Variants in CACNA1D observed in about 807,000 individuals in gnomAD.
CACNA1D encodes voltage-dependent L-type calcium channel subunit alpha-1D.
CACNA1D carries 55 observed loss-of-function variants against 257.1 expected under a neutral mutation model. The ratio of observed to expected loss-of-function variants is 0.21; its 90% CI spans 0.17 to 0.27. The LOEUF (loss-of-function observed/expected upper bound fraction) is 0.27. Ranked by LOEUF, CACNA1D falls within the 10% of genes least tolerant of loss-of-function variation. The pLI is 1.00. For missense variants in CACNA1D, 1,876 were observed against 2,784.0 expected (o/e 0.67, Z 7.34); for synonymous variants, 980 against 1,014.9 (o/e 0.97, Z 0.65).
intron 3 of CACNA1D, among the ~76,000 whole-genome samples, chr3:53,527,196 A>G (rs1233405476): frequency 6.6e-6 from 1 of 152,246 alleles, no homozygotes; most frequent in African/African-American, 2.4e-5. Context: ...CAAATGACTT[A>G]CCCAAGGGCA....
chr3:53,799,378 A>G (rs1254403913), intron 40 of CACNA1D, among the ~76,000 whole-genome samples: 1 of 152,176 alleles, frequency 6.6e-6, no homozygotes, highest in African/African-American at 2.4e-5. Flanking sequence ...GTCATGAACA[A>G]TGGAAGGGCT....
At chr3:53,741,964 G>A (rs577453343) in intron 21 of CACNA1D, among the ~76,000 whole-genome samples, 2 of 152,140 alleles carry the variant, frequency 1.3e-5, no homozygotes, top group African/African-American at 2.4e-5. Flanking sequence ...TTGCTTCACC[G>A]ACTTAAATCT....
intron 3 of CACNA1D, among the ~76,000 whole-genome samples, chr3:53,573,813 C>A: frequency 6.6e-6 from 1 of 151,154 alleles, no homozygotes; most frequent in Admixed American, 6.6e-5. Flanking sequence ...ACATAGTGGG[C>A]TCTCCTTATC....
intron 29 of CACNA1D, among the ~76,000 whole-genome samples, chr3:53,757,652 G>A (rs2095273756): frequency 6.6e-6 from 1 of 152,190 alleles, no homozygotes; most frequent in South Asian, 2.1e-4. Context: ...AGTCCTCCAT[G>A]AAGCACTGGC....
intron 3 of CACNA1D, among the ~76,000 whole-genome samples, chr3:53,517,852 C>T (rs1309596746): frequency 6.6e-6 from 1 of 152,222 alleles, no homozygotes; most frequent in Non-Finnish European, 1.5e-5. Context: ...ATTTACTGTG[C>T]TTGTGACATG....
In CACNA1D at chr3:53,808,654, C is replaced by T. The variant is rs571923567; in HGVS notation, c.5755C>T (p.Arg1919Trp). ...RLLPPTPASH[R>W]RSSFNFECLR... ...GATGCCCTTTGCTTTCCCAGCCCAC[C>T]GGAGATCCTCCTTCAACTTTGAGTG... The change falls in exon 46 of 48, where the codon CGG (arginine) becomes TGG (tryptophan). Residue 1919 changes from arginine (R) to tryptophan (W), a missense_variant. Around this residue, in one of 10 missense-constraint regions of CACNA1D, gnomAD observed 491 missense variants for 554.3 expected, o/e 0.89. Transcript: ENST00000350061. 31 of 1,608,080 alleles carry T rather than the reference C, an allele frequency of 1.9e-5. No individual in the cohort carries two copies. Among genetic ancestry groups the T allele is most frequent in the East Asian group, 1.1e-4 (5 of 44,870 alleles).
At chr3:53,617,972 C>T (rs1177378893) in intron 3 of CACNA1D, among the ~76,000 whole-genome samples, 1 of 152,186 alleles carries the variant, frequency 6.6e-6, no homozygotes, top group East Asian at 1.9e-4. Context: ...GTTTTAGGTG[C>T]TCCATCAGTC....
At chr3:53,631,475 T>G (rs563656362) in intron 3 of CACNA1D, among the ~76,000 whole-genome samples, 1 of 152,336 alleles carries the variant, frequency 6.6e-6, no homozygotes, top group African/African-American at 2.4e-5. Context: ...TACAGTTGCT[T>G]CCTCTACTGA....
chr3:53,759,679 G>C (rs1366712665), intron 29 of CACNA1D, among the ~76,000 whole-genome samples: 4 of 152,256 alleles, frequency 2.6e-5, no homozygotes, highest in Admixed American at 1.3e-4. Context: ...GCCCCTCCAA[G>C]TGTGGTCTGT....
intron 40 of CACNA1D, among the ~76,000 whole-genome samples, chr3:53,794,914 T>C (rs1238523899): frequency 6.6e-6 from 1 of 152,226 alleles, no homozygotes; most frequent in Non-Finnish European, 1.5e-5. Context: ...GGGGGAATGC[T>C]ACTAGGTCCC....
At chr3:53,750,219 C>T (rs950412611) in intron 27 of CACNA1D, among the ~76,000 whole-genome samples, 3 of 152,210 alleles carry the variant, frequency 2.0e-5, no homozygotes, top group Non-Finnish European at 4.4e-5. Context: ...GCCCTGTGCT[C>T]TGGGCTATCT....
intron 3 of CACNA1D, among the ~76,000 whole-genome samples, chr3:53,518,020 A>T (rs2091411784): frequency 6.6e-6 from 1 of 152,186 alleles, no homozygotes; most frequent in South Asian, 2.1e-4. Context: ...GTTTTGTCTG[A>T]TGAATAACTG....
chr3:53,672,083 T>C (rs2094328264), intron 7 of CACNA1D, among the ~76,000 whole-genome samples: 1 of 152,260 alleles, frequency 6.6e-6, no homozygotes, highest in African/African-American at 2.4e-5. Flanking sequence ...CTTAAAGCCC[T>C]GTTTGCTCTA....
chr3:53,505,229 C>T (rs940202511), intron 3 of CACNA1D, among the ~76,000 whole-genome samples: 2 of 151,442 alleles, frequency 1.3e-5, no homozygotes, highest in Non-Finnish European at 2.9e-5. Context: ...CTGCCTCAGC[C>T]TCCTGAGTAG....
At chr3:53,542,032 AG>A (rs1319100369) in intron 3 of CACNA1D, among the ~76,000 whole-genome samples, 1 of 152,198 alleles carries the variant, frequency 6.6e-6, no homozygotes, top group South Asian at 2.1e-4. Context: ...TAAAAGATAC[AG>A]GGTTTCTTTT....
chr3:53,672,072 C>G (rs1301400372), intron 7 of CACNA1D, among the ~76,000 whole-genome samples: 1 of 152,230 alleles, frequency 6.6e-6, no homozygotes, highest in Admixed American at 6.5e-5. Flanking sequence ...CAGCTGTGAT[C>G]CTTAAAGCCC....
intron 38 of CACNA1D, among the ~76,000 whole-genome samples, chr3:53,780,408 G>A (rs1003038336): frequency 1.4e-4 from 21 of 152,324 alleles, no homozygotes; most frequent in African/African-American, 4.1e-4. Context: ...GCAGGGTATC[G>A]GAGCAGAGAC....
intron 5 of CACNA1D, among the ~76,000 whole-genome samples, chr3:53,663,112 A>G (rs547544469): frequency 6.6e-6 from 1 of 152,346 alleles, no homozygotes; most frequent in South Asian, 2.1e-4. Context: ...GTAGCAAGGC[A>G]GGGTCGTGCT....
rs1370436980 is a variant in CACNA1D, at chr3:53,723,991, G to A, written c.2092G>A (p.Val698Met). Residue 698 changes from valine (V) to methionine (M), a missense_variant, in exon 14 of 48, where the codon GTG becomes ATG. By Grantham distance (21) the Val-to-Met change is conservative. This residue lies in a region of CACNA1D where 257 missense variants were observed against 399.7 expected (regional missense o/e 0.64). Transcript: ENST00000350061. The surrounding 1 kb of genome is among the most constrained non-coding windows in gnomAD (Gnocchi z 5.6). ...FDNFPQALLT[V>M]FQILTGEDWN... ...CAATTTCCCTCAAGCACTTCTCACA[G>A]TGTTCCAGGTGAGTCCTCCCTCCAT... The A allele has an allele frequency of 6.2e-7, 1 of 1,613,450 alleles. No homozygotes were observed. Among genetic ancestry groups the A allele is most frequent in the Non-Finnish European group, 8.5e-7 (1 of 1,179,534 alleles).
Sources: allele counts gnomAD v4.1 joint callset (sites outside exome capture counted in the v4.1 genomes callset), GRCh38; gene constraint gnomAD v4.1.1; regional missense constraint gnomAD v4.1.1; non-coding constraint Gnocchi (gnomAD v3.1); transcripts MANE v1.5; gene names NCBI Gene and HGNC (gene_info 2026-07-23, HGNC 2026-07-21).